The following ARID5B variants were observed in gnomAD, a reference collection of about 807,000 sequenced individuals.
ARID5B encodes the protein AT-rich interactive domain-containing protein 5B.
ARID5B carries 13 observed loss-of-function variants against 97.2 expected under a neutral mutation model. The ratio of observed to expected loss-of-function variants is 0.13; its 90% confidence interval spans 0.09 to 0.21. ARID5B has a LOEUF of 0.21. Ranked by LOEUF, ARID5B falls within the 10% of genes least tolerant of loss-of-function variation. The pLI, the probability that ARID5B is intolerant of heterozygous loss-of-function variation, is 1.00. For missense variants in ARID5B, 1,210 were observed against 1,465.3 expected, an observed-to-expected ratio of 0.83 and a Z score of 2.84; for synonymous variants, 556 against 570.3, an observed-to-expected ratio of 0.97 and a Z score of 0.36.
In ARID5B at chr10:61,983,867, C is replaced by CTTTTTTTT. The variant is rs1164342402; in HGVS notation, c.503-16200_503-16193dup. 4.0e-3 allele frequency among the ~76,000 whole-genome samples: 111 copies of CTTTTTTTT among 27,592 alleles called. 9 individuals are homozygous for CTTTTTTTT. The highest frequency in any genetic ancestry group is 0.036 in the Middle Eastern group (1 of 28). 18.1% of individuals were successfully genotyped at this position (27,592 alleles called of 152,430 possible). A position where few individuals can be genotyped will look rare whatever the true frequency, so the allele number is the denominator to read the frequency against. The stretch of plus-strand genomic sequence containing the variant: ...TATATTTTTTAAACCCCCTTTTGTT[C>CTTTTTTTT]TTTTTTTTTTTTTTTTTTTTTTTTT... On this transcript the variant is annotated intron_variant, in intron 3 of 9. Coordinates refer to ENST00000279873, the MANE Select transcript of ARID5B (RefSeq NM_032199.3).
At chr10:61,955,406 C>G (rs547548341) in intron 3 of ARID5B, among the ~76,000 whole-genome samples, 1 of 152,124 alleles carries the variant, frequency 6.6e-6, no homozygotes, top group African/African-American at 2.4e-5. Flanking sequence ...AATTTCATGA[C>G]CATGTCTTGA....
chr10:61,945,634 G>T (rs559265855), intron 3 of ARID5B, among the ~76,000 whole-genome samples: 62 of 152,182 alleles, frequency 4.1e-4, no homozygotes, highest in African/African-American at 1.4e-3. Flanking sequence ...TATACATTCA[G>T]CTTTGTTTTG....
intron 2 of ARID5B, among the ~76,000 whole-genome samples, chr10:61,908,260 G>A (rs912899313): frequency 1.3e-5 from 2 of 152,180 alleles, no homozygotes; most frequent in African/African-American, 4.8e-5. Flanking sequence ...AGAGACAGAT[G>A]CAAAATAGTT....
intron 3 of ARID5B, among the ~76,000 whole-genome samples, chr10:61,988,753 C>T (rs752315045): frequency 1.2e-4 from 18 of 152,136 alleles, no homozygotes; most frequent in East Asian, 1.9e-4. Flanking sequence ...TTCAGGCAGA[C>T]GCTCTAAAGA....
At chr10:62,077,317 G>C (rs1840150853) in intron 8 of ARID5B, among the ~76,000 whole-genome samples, 1 of 152,068 alleles carries the variant, frequency 6.6e-6, no homozygotes, top group Non-Finnish European at 1.5e-5. Flanking sequence ...CCAGACCCTG[G>C]AGTAGAAAAA....
intron 4 of ARID5B, among the ~76,000 whole-genome samples, chr10:62,035,960 G>C (rs1359843998): frequency 6.6e-6 from 1 of 151,966 alleles, no homozygotes; most frequent in Non-Finnish European, 1.5e-5. Context: ...AAGTAGGTGG[G>C]ATTACAGGCG....
At chr10:62,055,493 G>C (rs897061506) in intron 5 of ARID5B, among the ~76,000 whole-genome samples, 2 of 152,190 alleles carry the variant, frequency 1.3e-5, no homozygotes, top group African/African-American at 4.8e-5. Context: ...ATTAAAACTG[G>C]AGTGATGTTA....
Position 62,096,588 on chromosome 10 carries a change from G to A in ARID5B, c.*3558G>A, listed in dbSNP as rs1256257003. 4.3e-6 allele frequency: 1 copy of A among 233,342 alleles called. No homozygotes were observed. Among genetic ancestry groups the A allele is most frequent in the African/African-American group, 2.2e-5 (1 of 45,320 alleles). 14.5% of individuals were successfully genotyped at this position (233,342 alleles called of 1,614,324 possible). On this transcript the variant is annotated 3_prime_UTR_variant, in exon 10 of 10. Transcript: ENST00000279873. Reference sequence around the variant, plus strand: ...AGAATAGCAGCATAATCTCTTGGCTGTTTATACTTTTTTAAACTTTCCTGT... The same window carrying A: ...AGAATAGCAGCATAATCTCTTGGCTATTTATACTTTTTTAAACTTTCCTGT...
intron 3 of ARID5B, among the ~76,000 whole-genome samples, chr10:61,954,319 T>G (rs1164481910): frequency 6.6e-6 from 1 of 151,836 alleles, no homozygotes. Flanking sequence ...ATTGCGCCAT[T>G]GCACTCTAGC....
intron 6 of ARID5B, 118 bp from the exon 7 acceptor site, chr10:62,059,125 G>T: frequency 1.4e-6 from 1 of 738,336 alleles, no homozygotes. Flanking sequence ...TAGCTCTCTG[G>T]GGTACTTTAG....
At chr10:62,043,783 T>C (rs1216518636) in intron 4 of ARID5B, among the ~76,000 whole-genome samples, 1 of 152,222 alleles carries the variant, frequency 6.6e-6, no homozygotes, top group Non-Finnish European at 1.5e-5. Context: ...GGAGCATTAA[T>C]AATTACTCCA....
chr10:62,078,778 C>T (rs1180503103), intron 8 of ARID5B, among the ~76,000 whole-genome samples: 1 of 152,180 alleles, frequency 6.6e-6, no homozygotes, highest in Non-Finnish European at 1.5e-5. Context: ...ATGGAGACAT[C>T]ATAGAAAGCC....
chr10:62,035,137 G>A (rs551162313), intron 4 of ARID5B, among the ~76,000 whole-genome samples: 1 of 152,316 alleles, frequency 6.6e-6, no homozygotes, highest in African/African-American at 2.4e-5. Flanking sequence ...CCTTATTAAT[G>A]GTGATGGTGA....
chr10:62,077,334 T>C (rs1840150965), intron 8 of ARID5B, among the ~76,000 whole-genome samples: 1 of 152,234 alleles, frequency 6.6e-6, no homozygotes, highest in African/African-American at 2.4e-5. Flanking sequence ...AAAACTGGTT[T>C]CTATTTTAAA....
intron 2 of ARID5B, among the ~76,000 whole-genome samples, chr10:61,929,119 C>T (rs10994968): frequency 0.029 from 4,396 of 152,244 alleles, 90 homozygotes; most frequent in Non-Finnish European, 0.045. Context: ...TAACAGAGTT[C>T]CTTCATTTTT....
chr10:61,955,051 G>A (rs1838373725), intron 3 of ARID5B, among the ~76,000 whole-genome samples: 1 of 151,910 alleles, frequency 6.6e-6, no homozygotes, highest in Non-Finnish European at 1.5e-5. Flanking sequence ...TTTTGTGTGT[G>A]TTATTTTCTC....
chr10:62,043,237 C>T lies in ARID5B; in HGVS notation c.734-7651C>T, dbSNP rs369841250. On this transcript the variant is annotated intron_variant, in intron 4 of 9. Coordinates refer to ENST00000279873, the MANE Select transcript of ARID5B (RefSeq NM_032199.3). ...TTCCAGAATTCTCCCCTTAGAGAGTCAATCCTCTGAAAAGCCAGACTGTCT... is the reference window on the plus strand; with the variant it reads ...TTCCAGAATTCTCCCCTTAGAGAGTTAATCCTCTGAAAAGCCAGACTGTCT... Among the ~76,000 whole-genome samples, 258 of 152,270 alleles carry T rather than the reference C, an allele frequency of 1.7e-3. 8 individuals carry two copies. In the South Asian group the frequency reaches 0.052, roughly 30 times the overall value.
In ARID5B at chr10:62,027,474, AATTTTTTTGT is replaced by A. The variant is rs11277710; in HGVS notation, c.734-23402_734-23393del. On this transcript the variant is annotated intron_variant, in intron 4 of 9. Transcript: ENST00000279873. ...CAGGAGCCCACCACCATGCCTGGCTAATTTTTTTGTATTTTTTTGTAGTAGAGACGGGGTT... is the reference window on the plus strand; with the variant it reads ...CAGGAGCCCACCACCATGCCTGGCTAATTTTTTTGTAGTAGAGACGGGGTT... 5.5e-3 allele frequency among the ~76,000 whole-genome samples: 826 copies of A among 150,796 alleles called. 7 individuals carry two copies. Among genetic ancestry groups the A allele is most frequent in the African/African-American group, 0.019 (780 of 41,084 alleles).
intron 8 of ARID5B, among the ~76,000 whole-genome samples, chr10:62,075,717 C>A (rs1490945498): frequency 6.6e-6 from 1 of 152,162 alleles, no homozygotes; most frequent in Non-Finnish European, 1.5e-5. Context: ...CATGCAGGCG[C>A]CTCCAGTTTG....
Sources: allele counts gnomAD v4.1 joint callset (sites outside exome capture counted in the v4.1 genomes callset), GRCh38; gene constraint gnomAD v4.1.1; transcripts MANE v1.5; gene names NCBI Gene and HGNC (gene_info 2026-07-23, HGNC 2026-07-21).